GRAMD4: variants seen among roughly 807,000 people sequenced by gnomAD.
The protein encoded by GRAMD4 is GRAM domain containing 4, also known as GRAM domain-containing protein 4.
GRAMD4 carries 25 observed loss-of-function variants against 83.9 expected under a neutral mutation model. That is an observed-to-expected ratio of 0.30 (90% CI 0.22 to 0.42). The LOEUF (loss-of-function observed/expected upper bound fraction) is 0.42, where lower values mean the gene tolerates loss of function less well. Ranked by LOEUF, GRAMD4 falls within the 10% of genes least tolerant of loss-of-function variation. GRAMD4 has a pLI of 1.00. For synonymous variants in GRAMD4, 336 were observed against 320.9 expected (o/e 1.05, Z -0.50); for missense variants, 593 against 788.7 (o/e 0.75, Z 2.97).
chr22:46,604,005 A>G (rs2081341684), intron 1 of GRAMD4, among the ~76,000 whole-genome samples: 1 of 152,162 alleles, frequency 6.6e-6, no homozygotes, highest in Non-Finnish European at 1.5e-5. Context: ...ATCTTTTTCT[A>G]GGTAGCTTCC....
chr22:46,620,408 G>A lies in GRAMD4; in HGVS notation c.-207G>A. ...GGTGCACAGGACTGGAGTCCTCCAG[G>A]CTCCAGGGCAGCAGACACCACCCTC... On this transcript the variant is annotated 5_prime_UTR_variant, in exon 1 of 19. Transcript: ENST00000406902. The surrounding 1 kb of genome is among the most constrained non-coding windows in gnomAD (Gnocchi z 4.7). 4.1e-6 allele frequency: 4 copies of A among 985,080 alleles called. No individual in the cohort carries two copies. The South Asian group carries it at 1.4e-4, about 35-fold the overall frequency. 61.0% of individuals were successfully genotyped at this position (985,080 alleles called of 1,614,324 possible).
intron 2 of GRAMD4, among the ~76,000 whole-genome samples, chr22:46,634,852 A>C (rs1244478465): frequency 6.6e-6 from 1 of 152,008 alleles, no homozygotes; most frequent in Admixed American, 6.5e-5. Flanking sequence ...CTGAGGCAGG[A>C]GAATCGCTTG....
In GRAMD4 at chr22:46,603,144, G is replaced by A. The variant is rs557470815; in HGVS notation, c.-49-23607G>A. Among the ~76,000 whole-genome samples the A allele has an allele frequency of 5.3e-5, 8 of 150,398 alleles. No individual in the cohort carries two copies. The South Asian group carries it at 1.3e-3, about 24-fold the overall frequency. ...CCCGGGTTATCATTTATCTCTGACT[G>A]CTTACGGAGGTTTTTGCCTTGCAAA... On this transcript the variant is annotated intron_variant, in intron 1 of 1. Transcript: ENST00000431155.
intron 2 of GRAMD4, among the ~76,000 whole-genome samples, chr22:46,631,027 C>T (rs2147187718): frequency 6.6e-6 from 1 of 152,346 alleles, no homozygotes; most frequent in Non-Finnish European, 1.5e-5. Context: ...TCAGGCTTCT[C>T]TCTCCACCGC....
rs918719088 is a variant in GRAMD4 at position 46,658,203 on chromosome 22, G to A, written c.300G>A (p.Lys100=). ...EKHFLQEELR[K]LREETNAEML... The stretch of plus-strand genomic sequence containing the variant: ...CCCCCATAGAGGAGGAGCTCCGGAA[G>A]CTGCGAGAAGAAACCAACGCGGAGA... The change falls in exon 4 of 19, where the codon AAG becomes AAA. Residue 100 remains lysine, a synonymous_variant. Coordinates refer to ENST00000406902, the MANE Select transcript of GRAMD4 (RefSeq NM_015124.5). The A allele has an allele frequency of 3.7e-6, 6 of 1,613,794 alleles. No homozygotes were observed. Among genetic ancestry groups the A allele is most frequent in the Non-Finnish European group, 1.7e-6 (2 of 1,179,966 alleles).
chr22:46,603,133 T>G (rs2081327877), intron 1 of GRAMD4, among the ~76,000 whole-genome samples: 1 of 152,090 alleles, frequency 6.6e-6, no homozygotes, highest in Non-Finnish European at 1.5e-5. Context: ...GGTTATCATT[T>G]ATCTCTGACT....
intron 1 of GRAMD4, among the ~76,000 whole-genome samples, chr22:46,624,930 A>G (rs28664041): frequency 1.4e-5 from 2 of 146,024 alleles, no homozygotes; most frequent in East Asian, 2.1e-4. Context: ...GCGGGATCTC[A>G]GCTCACTTCA....
chr22:46,680,577 T>TCCACCCAC (rs1569313349), downstream of GRAMD4, among the ~76,000 whole-genome samples: 3 of 15,248 alleles, frequency 2.0e-4, no homozygotes, highest in African/African-American at 5.2e-4. Context: ...CATCCATCCA[T>TCCACCCAC]CCATCCATCC....
intron 1 of GRAMD4, among the ~76,000 whole-genome samples, chr22:46,625,155 C>T (rs2081637832): frequency 6.6e-6 from 1 of 152,200 alleles, no homozygotes; most frequent in Non-Finnish European, 1.5e-5. Context: ...CCACCGCGCC[C>T]AGCGTCCTGT....
At position 46,659,724 on chromosome 22, in the gene GRAMD4, G is replaced by T. The variant is rs970800252; in HGVS notation, c.404+1417G>T. ...AGTGCCCTGGGGGGCTCATGTGGGG[G>T]CTCATGTGGGGGCATCCAGCTGGTG... On this transcript the variant is annotated intron_variant, in intron 4 of 18. Transcript: ENST00000406902. The surrounding 1 kb of genome is among the most constrained non-coding windows in gnomAD (Gnocchi z 4.1). Among the ~76,000 whole-genome samples, 3 of 151,672 alleles carry T rather than the reference G, an allele frequency of 2.0e-5. No individual in the cohort carries two copies. Among genetic ancestry groups the T allele is most frequent in the Admixed American group, 6.6e-5 (1 of 15,222 alleles).
At chr22:46,607,732 C>T (rs935140937) in intron 1 of GRAMD4, among the ~76,000 whole-genome samples, 12 of 152,354 alleles carry the variant, frequency 7.9e-5, no homozygotes, top group African/African-American at 1.7e-4. Context: ...GGGTGCTCCA[C>T]GCTGTGCTCG....
chr22:46,676,324 G>A (rs963650110), intron 17 of GRAMD4, among the ~76,000 whole-genome samples: 5 of 152,164 alleles, frequency 3.3e-5, no homozygotes, highest in Admixed American at 2.0e-4. Flanking sequence ...AGTGCCTACC[G>A]TCAGCCTCCT....
In GRAMD4 at chr22:46,679,026, G is replaced by A; in HGVS notation, c.*1775G>A. The stretch of plus-strand genomic sequence containing the variant: ...GGGACTGGCTCTCTTGGTGCACCAG[G>A]GGAGGGGGACATATCCCAGTGAACC... On this transcript the variant is annotated 3_prime_UTR_variant, in exon 19 of 19. Transcript: ENST00000406902. The A allele has an allele frequency of 1.0e-6, 1 of 985,714 alleles. No individual in the cohort carries two copies. The highest frequency in any genetic ancestry group is 4.7e-5 in the South Asian group (1 of 21,288). 61.1% of individuals were successfully genotyped at this position (985,714 alleles called of 1,614,324 possible). A position where few individuals can be genotyped will look rare whatever the true frequency, so the allele number is the denominator to read the frequency against.
At chr22:46,632,653 G>A (rs2081793033) in intron 2 of GRAMD4, among the ~76,000 whole-genome samples, 2 of 152,198 alleles carry the variant, frequency 1.3e-5, no homozygotes, top group African/African-American at 4.8e-5. Context: ...AGGGCCTTGT[G>A]TCCCAATAGG....
intron 1 of GRAMD4, among the ~76,000 whole-genome samples, chr22:46,584,211 C>A (rs994951906): frequency 2.0e-5 from 3 of 152,092 alleles, no homozygotes; most frequent in African/African-American, 7.2e-5. Context: ...AGAGTCAGCC[C>A]CTTCTGCAGG....
Position 46,603,215 on chromosome 22 carries a change from T to G in GRAMD4, c.-49-23536T>G, listed in dbSNP as rs866864796. 9.2e-4 allele frequency among the ~76,000 whole-genome samples: 129 copies of G among 140,914 alleles called. 1 individual carries two copies. Among genetic ancestry groups the G allele is most frequent in the African/African-American group, 3.1e-3 (115 of 37,242 alleles). 92.4% of individuals were successfully genotyped at this position (140,914 alleles called of 152,430 possible). On this transcript the variant is annotated intron_variant, in intron 1 of 1. Transcript: ENST00000431155. ...TATCTTCTCTTGTTTTTTTTTTTTT[T>G]TTTTTTTTTTGAGACGGAGTCTCGC...
Position 46,596,070 on chromosome 22 carries a change from G to A in GRAMD4, c.-50+18780G>A, listed in dbSNP as rs1415462015. 2.0e-5 allele frequency among the ~76,000 whole-genome samples: 3 copies of A among 152,252 alleles called. 1 individual carries two copies. The highest frequency in any genetic ancestry group is 7.2e-5 in the African/African-American group (3 of 41,474). ...GGTTCACTTTCTCGTAATTCACTCTGAGGACACGTTGTTGGAATCATTGTG... is the reference window on the plus strand; with the variant it reads ...GGTTCACTTTCTCGTAATTCACTCTAAGGACACGTTGTTGGAATCATTGTG... On this transcript the variant is annotated intron_variant, in intron 1 of 1. Coordinates refer to the GRAMD4 transcript ENST00000431155.
chr22:46,648,358 AT>A (rs2082101965), intron 3 of GRAMD4, among the ~76,000 whole-genome samples: 1 of 132,334 alleles, frequency 7.6e-6, no homozygotes, highest in African/African-American at 3.3e-5. Flanking sequence ...GGATGGATGG[AT>A]GAATGGGTGA....
chr22:46,584,878 G>A (rs930334539), intron 1 of GRAMD4, among the ~76,000 whole-genome samples: 1 of 152,210 alleles, frequency 6.6e-6, no homozygotes, highest in Non-Finnish European at 1.5e-5. Context: ...CGGCCTCCTC[G>A]GGGAAGGAGG....
Sources: allele counts gnomAD v4.1 joint callset (sites outside exome capture counted in the v4.1 genomes callset), GRCh38; gene constraint gnomAD v4.1.1; non-coding constraint Gnocchi (gnomAD v3.1); transcripts MANE v1.5; gene names NCBI Gene and HGNC (gene_info 2026-07-23, HGNC 2026-07-21).